Variants in AADACL2 observed in about 807,000 individuals in gnomAD.
The protein encoded by AADACL2 is arylacetamide deacetylase-like 2.
Under a neutral mutation model 22.3 loss-of-function variants are expected in AADACL2, and 23 were observed. That is an observed-to-expected ratio of 1.03 (90% CI 0.74 to 1.46). AADACL2 has a LOEUF of 1.46. AADACL2 is among the 40% of genes most tolerant of loss of function. The pLI, the probability that AADACL2 is intolerant of heterozygous loss-of-function variation, is 0.00. For missense variants in AADACL2, 472 were observed against 482.9 expected (o/e 0.98, Z 0.21); for synonymous variants, 177 against 166.2 (o/e 1.07, Z -0.50).
At chr3:151,755,884 G>C (rs1713879925) in intron 4 of AADACL2, among the ~76,000 whole-genome samples, 1 of 152,056 alleles carries the variant, frequency 6.6e-6, no homozygotes, top group Non-Finnish European at 1.5e-5. Flanking sequence ...ATCTACCTAA[G>C]GGCATGGCAG....
chr3:151,739,090 T>G (rs1367937675), intron 1 of AADACL2, among the ~76,000 whole-genome samples: 1 of 152,208 alleles, frequency 6.6e-6, no homozygotes, highest in Non-Finnish European at 1.5e-5. Context: ...TCTTTGGAAT[T>G]TTCAGCATTT....
chr3:151,734,315 A>G, intron 1 of AADACL2, 142 bp downstream of exon 1: 1 of 981,952 alleles, frequency 1.0e-6, no homozygotes, highest in Non-Finnish European at 1.4e-6. Context: ...TAATTAAACA[A>G]CATTAAGTAA....
chr3:151,761,187 A>T lies in AADACL2; in HGVS notation c.*3593A>T, dbSNP rs1345665775. ...GAGATATATATTTATATATATGGTG[A>T]GATATATACATATTGTGATATATAT... On this transcript the variant is annotated 3_prime_UTR_variant, in exon 5 of 5. Coordinates refer to ENST00000356517, the MANE Select transcript of AADACL2 (RefSeq NM_207365.4). 255 of 129,410 alleles carry T rather than the reference A, an allele frequency of 2.0e-3. 1 individual carries two copies. Among genetic ancestry groups the T allele is most frequent in the South Asian group, 4.8e-3 (19 of 3,956 alleles). The allele number at this position is 129,410 out of a possible 1,614,324, so 8.0% of individuals were successfully genotyped here.
At chr3:151,743,975 T>A in intron 2 of AADACL2, 118 bp from the exon 3 acceptor site, 1 of 973,390 alleles carries the variant, frequency 1.0e-6, no homozygotes, top group Admixed American at 2.2e-5. Flanking sequence ...AAATGGGGGG[T>A]GGAAATAAAA....
In AADACL2 at chr3:151,761,204, G is replaced by GATATATATATATATATATATATATAT. The variant is rs56205370; in HGVS notation, c.*3623_*3648dup. 2 of 85,452 alleles carry GATATATATATATATATATATATATAT rather than the reference G, an allele frequency of 2.3e-5. No homozygotes were observed. The highest frequency in any genetic ancestry group is 4.8e-5 in the Non-Finnish European group (2 of 41,462). 5.3% of individuals were successfully genotyped at this position (85,452 alleles called of 1,614,324 possible). A position where few individuals can be genotyped will look rare whatever the true frequency, so the allele number is the denominator to read the frequency against. On this transcript the variant is annotated 3_prime_UTR_variant, in exon 5 of 5. Coordinates refer to ENST00000356517, the MANE Select transcript of AADACL2 (RefSeq NM_207365.4). The stretch of plus-strand genomic sequence containing the variant: ...ATATGGTGAGATATATACATATTGT[G>GATATATATATATATATATATATATAT]ATATATATATATATATATATATATA...
chr3:151,752,206 T>C (rs1713697727), intron 4 of AADACL2, among the ~76,000 whole-genome samples: 1 of 152,186 alleles, frequency 6.6e-6, no homozygotes, highest in Non-Finnish European at 1.5e-5. Flanking sequence ...TTTTCCAATG[T>C]CTCATGATCC....
At chr3:151,745,447 T>A in intron 3 of AADACL2, 62 bp from the exon 4 acceptor site, 1 of 1,510,756 alleles carries the variant, frequency 6.6e-7, no homozygotes, top group Non-Finnish European at 9.0e-7. Context: ...TGCATCTATT[T>A]GGTATTTGAG....
chr3:151,745,824 T>G, intron 4 of AADACL2, 144 bp downstream of exon 4: 1 of 875,644 alleles, frequency 1.1e-6, no homozygotes, highest in East Asian at 2.8e-5. Context: ...AACATTTATT[T>G]AACCTTAATG....
At position 151,757,462 on chromosome 3, in the gene AADACL2, A is replaced by T; in HGVS notation, c.1074A>T (p.Gly358=). Reference sequence around the variant, plus strand: ...ATGTTACAAGACTTCGAAATGTTGGAGTCCAAGTTGTTCATGAACATATTG... The same window carrying T: ...ATGTTACAAGACTTCGAAATGTTGGTGTCCAAGTTGTTCATGAACATATTG... The part of the protein sequence containing the change: ...LMYVTRLRNV[G]VQVVHEHIED... Residue 358 remains glycine (G), a synonymous_variant, in exon 5 of 5, where the codon GGA becomes GGT. Coordinates refer to ENST00000356517, the MANE Select transcript of AADACL2 (RefSeq NM_207365.4). 1 of 1,613,652 alleles carries T rather than the reference A, an allele frequency of 6.2e-7. No individual in the cohort carries two copies. The highest frequency in any genetic ancestry group is 1.1e-5 in the South Asian group (1 of 91,060).
chr3:151,755,294 G>T (rs1035828032), intron 4 of AADACL2, among the ~76,000 whole-genome samples: 2 of 152,034 alleles, frequency 1.3e-5, no homozygotes, highest in Admixed American at 1.3e-4. Context: ...CAGTGTTTGT[G>T]AAATTCAAAA....
At chr3:151,745,918 TA>T (rs954844261) in intron 4 of AADACL2, among the ~76,000 whole-genome samples, 5 of 151,542 alleles carry the variant, frequency 3.3e-5, no homozygotes, top group Admixed American at 1.3e-4. Context: ...TGTTCTTCTT[TA>T]AAAAAAAATC....
intron 2 of AADACL2, among the ~76,000 whole-genome samples, chr3:151,742,105 T>G (rs930138379): frequency 6.6e-6 from 1 of 152,172 alleles, no homozygotes; most frequent in African/African-American, 2.4e-5. Context: ...TTTTCTAGTA[T>G]TTGCAAATTT....
Position 151,745,536 on chromosome 3 carries a change from T to G in AADACL2, c.459T>G (p.Phe153Leu). 3 of 1,613,776 alleles carry G rather than the reference T, an allele frequency of 1.9e-6. No individual in the cohort carries two copies. Among genetic ancestry groups the G allele is most frequent in the Non-Finnish European group, 2.5e-6 (3 of 1,179,840 alleles). ...ATAGGCTGGCTCCTCAACACCACTT[T>G]CCTGCTCAGTTTGAAGATGGCCTTG... The part of the protein sequence containing the change: ...VDYRLAPQHH[F>L]PAQFEDGLAA... The change falls in exon 4 of 5, where the codon TTT (phenylalanine) becomes TTG (leucine). Residue 153 changes from phenylalanine (F) to leucine (L), a missense_variant. Physicochemically the swap from Phe to Leu is conservative, Grantham distance 22. Transcript: ENST00000356517.
At position 151,760,831 on chromosome 3, in the gene AADACL2, G is replaced by C. The variant is rs1472921059; in HGVS notation, c.*3237G>C. 1 of 152,052 alleles carries C rather than the reference G, an allele frequency of 6.6e-6. No homozygotes were observed. The highest frequency in any genetic ancestry group is 1.5e-5 in the Non-Finnish European group (1 of 68,018). The allele number at this position is 152,052 out of a possible 1,614,324, so 9.4% of individuals were successfully genotyped here. ...GTCATCACACCATGGTCCCTCTGAA[G>C]GCACCAAGGATGGATCTGTTTCAGG... is the stretch of plus-strand genomic sequence containing the variant. On this transcript the variant is annotated 3_prime_UTR_variant, in exon 5 of 5. Transcript: ENST00000356517.
At chr3:151,739,520 G>A (rs1408340491) in intron 1 of AADACL2, among the ~76,000 whole-genome samples, 1 of 152,190 alleles carries the variant, frequency 6.6e-6, no homozygotes, top group African/African-American at 2.4e-5. Context: ...CAGAGCTCAA[G>A]CACTGTGCTG....
chr3:151,753,216 C>A (rs1228541960), intron 4 of AADACL2, among the ~76,000 whole-genome samples: 1 of 152,136 alleles, frequency 6.6e-6, no homozygotes, highest in Non-Finnish European at 1.5e-5. Flanking sequence ...CCATCAGAAG[C>A]AGAAATATCT....
At chr3:151,736,345 T>A (rs1296833566) in intron 1 of AADACL2, among the ~76,000 whole-genome samples, 1 of 151,418 alleles carries the variant, frequency 6.6e-6, no homozygotes, top group African/African-American at 2.4e-5. Flanking sequence ...CTGGGATACA[T>A]GTGCAGAACG....
intron 4 of AADACL2, among the ~76,000 whole-genome samples, chr3:151,753,986 G>A (rs1470779775): frequency 2.0e-5 from 3 of 152,156 alleles, no homozygotes; most frequent in Non-Finnish European, 4.4e-5. Context: ...AATGGGAGAG[G>A]ATTCAGTAAT....
At position 151,761,204 on chromosome 3, in the gene AADACL2, G is replaced by GAGATATAT. The variant is rs1381485452; in HGVS notation, c.*3611_*3612insGATATATA. The GAGATATAT allele has an allele frequency of 4.7e-5, 4 of 85,452 alleles. No homozygotes were observed. Among genetic ancestry groups the GAGATATAT allele is most frequent in the East Asian group, 3.3e-4 (1 of 3,056 alleles). 5.3% of individuals were successfully genotyped at this position (85,452 alleles called of 1,614,324 possible). A position where few individuals can be genotyped will look rare whatever the true frequency, so the allele number is the denominator to read the frequency against. On this transcript the variant is annotated 3_prime_UTR_variant, in exon 5 of 5. Coordinates refer to ENST00000356517, the MANE Select transcript of AADACL2 (RefSeq NM_207365.4). Reference sequence around the variant, plus strand: ...ATATGGTGAGATATATACATATTGTGATATATATATATATATATATATATA... The same window carrying GAGATATAT: ...ATATGGTGAGATATATACATATTGTGAGATATATATATATATATATATATATATATATA...
Sources: gnomAD v4.1 joint callset for allele counts (sites outside exome capture counted in the v4.1 genomes callset) on GRCh38, gnomAD v4.1.1 for gene constraint, MANE v1.5 for transcripts, NCBI Gene and HGNC (gene_info 2026-07-23, HGNC 2026-07-21) for gene names.